Variants in EML6 observed in about 807,000 individuals in gnomAD.
EML6 encodes EMAP like 6, also known as echinoderm microtubule-associated protein-like 6.
EML6 carries 154 observed loss-of-function variants against 240.1 expected under a neutral mutation model. That is an observed-to-expected ratio of 0.64 (90% confidence interval 0.56 to 0.73). The LOEUF (loss-of-function observed/expected upper bound fraction) is 0.73, where lower values mean the gene tolerates loss of function less well. Among genes scored for constraint, EML6 ranks in the 30% least tolerant of loss-of-function variants. EML6 has a pLI of 0.00. For missense variants in EML6, 2,964 were observed against 2,474.6 expected, an observed-to-expected ratio of 1.20 and a Z score of -4.20; for synonymous variants, 1,148 against 899.0, an observed-to-expected ratio of 1.28 and a Z score of -4.95.
At chr2:54,927,033 G>A (rs994517367) in intron 26 of EML6, among the ~76,000 whole-genome samples, 3 of 152,216 alleles carry the variant, frequency 2.0e-5, no homozygotes, top group African/African-American at 7.2e-5. Flanking sequence ...CATGGCTGCA[G>A]CTGCTGTGAC....
chr2:54,844,004 G>GTGTGTGTC, intron 7 of EML6, 43 bp from the exon 8 acceptor site: 2 of 1,137,906 alleles, frequency 1.8e-6, no homozygotes, highest in Non-Finnish European at 1.3e-6. Context: ...GTGTGTGTGT[G>GTGTGTGTC]AATAGTGTGA....
At chr2:54,746,111 G>T (rs1033303427) in intron 2 of EML6, among the ~76,000 whole-genome samples, 2 of 152,228 alleles carry the variant, frequency 1.3e-5, no homozygotes, top group African/African-American at 4.8e-5. Context: ...GTATGGGGCA[G>T]AATCCAAATT....
intron 11 of EML6, among the ~76,000 whole-genome samples, chr2:54,859,135 A>T (rs1558621439): frequency 6.6e-6 from 1 of 152,094 alleles, no homozygotes. Flanking sequence ...TGTCTACGTG[A>T]CTCCAAACAA....
chr2:54,899,898 T>G, intron 22 of EML6, 116 bp downstream of exon 22: 1 of 1,019,230 alleles, frequency 9.8e-7, no homozygotes, highest in Non-Finnish European at 1.4e-6. Context: ...ATAAATATGC[T>G]GGGCAATGAG....
At chr2:54,904,817 G>A (rs1341506664) in intron 24 of EML6, among the ~76,000 whole-genome samples, 3 of 152,288 alleles carry the variant, frequency 2.0e-5, no homozygotes, top group African/African-American at 4.8e-5. Flanking sequence ...TCAGGAGAAC[G>A]ATGATGAAGG....
At chr2:54,783,645 A>G (rs1668949874) in intron 2 of EML6, among the ~76,000 whole-genome samples, 1 of 152,200 alleles carries the variant, frequency 6.6e-6, no homozygotes, top group Non-Finnish European at 1.5e-5. Flanking sequence ...GTTTGAAACG[A>G]CTGTGATGAT....
At chr2:54,738,243 A>G (rs1363436776) in intron 2 of EML6, among the ~76,000 whole-genome samples, 1 of 152,164 alleles carries the variant, frequency 6.6e-6, no homozygotes, top group Non-Finnish European at 1.5e-5. Flanking sequence ...AAGGTGCTTA[A>G]GAAGTGTTTG....
At chr2:54,816,674 G>C (rs1668095182) in intron 3 of EML6, 113 bp from the exon 4 acceptor site, 1 of 786,562 alleles carries the variant, frequency 1.3e-6, no homozygotes, top group Non-Finnish European at 2.1e-6. Context: ...TTGAGAAATC[G>C]GTTTGTTATA....
At chr2:54,731,599 A>G (rs142250785) in intron 2 of EML6, among the ~76,000 whole-genome samples, 16 of 142,842 alleles carry the variant, frequency 1.1e-4, no homozygotes. Context: ...CCTGGGTGAC[A>G]GGGCAAGACC....
At position 54,776,357 on chromosome 2, in the gene EML6, G is replaced by A. The variant is rs987604647; in HGVS notation, c.198-36875G>A. On this transcript the variant is annotated intron_variant, in intron 2 of 41. Coordinates refer to ENST00000356458, the MANE Select transcript of EML6 (RefSeq NM_001039753.4). ...AAAACTGCCTGGGCTCGGTACCTTC[G>A]TGTTGGGTAGAAATTTGTCTTTATA... is the stretch of plus-strand genomic sequence containing the variant. Among the ~76,000 whole-genome samples the A allele has an allele frequency of 5.3e-5, 8 of 152,088 alleles. No homozygotes were observed. The East Asian group carries it at 9.6e-4, about 18-fold the overall frequency.
intron 5 of EML6, among the ~76,000 whole-genome samples, chr2:54,826,001 T>G (rs1668573189): frequency 6.6e-6 from 1 of 152,246 alleles, no homozygotes; most frequent in Non-Finnish European, 1.5e-5. Flanking sequence ...TCTGTTTAAT[T>G]CAACTTAGTT....
chr2:54,870,699 T>C (rs1246782687), intron 15 of EML6, among the ~76,000 whole-genome samples: 1 of 152,196 alleles, frequency 6.6e-6, no homozygotes, highest in Non-Finnish European at 1.5e-5. Flanking sequence ...GTGTTTTTTT[T>C]TTACATAAAT....
chr2:54,862,600 A>T (rs1309260106), intron 12 of EML6, among the ~76,000 whole-genome samples: 1 of 152,298 alleles, frequency 6.6e-6, no homozygotes, highest in East Asian at 1.9e-4. Context: ...GGCAGAAAAC[A>T]TGTTCAAGGA....
At chr2:54,907,933 TAGATAGATAGATAAGA>T (rs1427018325) in intron 24 of EML6, among the ~76,000 whole-genome samples, 9 of 41,872 alleles carry the variant, frequency 2.1e-4, no homozygotes, top group Non-Finnish European at 4.3e-4. Context: ...GATAGATAGA[TAGATAGATAGATAAGA>T]TAGATAGATA....
rs1491139968 is a variant in EML6 at position 54,727,182 on chromosome 2, GGA to G, written c.197+1925_197+1926del. 1.3e-3 allele frequency among the ~76,000 whole-genome samples: 201 copies of G among 151,372 alleles called. 7 individuals carry two copies. Among genetic ancestry groups the G allele is most frequent in the Admixed American group, 2.8e-3 (42 of 15,010 alleles). ...TTGCAGGGAGCCTTAACTGATGAAG[GGA>G]AAAAGAGACAGTTAGCATCTGATCT... On this transcript the variant is annotated intron_variant, in intron 2 of 41. Coordinates refer to ENST00000356458, the MANE Select transcript of EML6 (RefSeq NM_001039753.4).
At chr2:54,843,435 AAAAC>A (rs1422132396) in intron 7 of EML6, among the ~76,000 whole-genome samples, 1 of 152,166 alleles carries the variant, frequency 6.6e-6, no homozygotes, top group Admixed American at 6.5e-5. Flanking sequence ...CTAAAAAATA[AAAAC>A]AAACAATCCT....
rs1246288742 is a variant in EML6, at chr2:54,948,977, C to T, written c.4083+17C>T. On this transcript the variant is annotated intron_variant, in intron 29 of 41. Coordinates refer to ENST00000356458, the MANE Select transcript of EML6 (RefSeq NM_001039753.4). ...CTGGTTGAGGTGAGTTAAACAATCA[C>T]TTGTAGTCTGATATTGACGTTCTAA... 2.0e-6 allele frequency: 3 copies of T among 1,511,160 alleles called. No individual in the cohort carries two copies. Among genetic ancestry groups the T allele is most frequent in the South Asian group, 2.4e-5 (2 of 83,320 alleles). 93.6% of individuals were successfully genotyped at this position (1,511,160 alleles called of 1,614,324 possible).
chr2:54,844,212 C>T lies in EML6; in HGVS notation c.1013C>T (p.Pro338Leu), dbSNP rs1482664532. ...GCTCTGGCCCTGCACCCCAAGAAGC[C>T]TCTGGCTGTGACAGGCAGCGATGAC... ...LWALALHPKK[P>L]LAVTGSDDRS... The change falls in exon 8 of 42, where the codon CCT (proline) becomes CTT (leucine). Residue 338 changes from proline (P) to leucine (L), a missense_variant. Transcript: ENST00000356458. 1 of 1,551,676 alleles carries T rather than the reference C, an allele frequency of 6.4e-7. No homozygotes were observed. Among genetic ancestry groups the T allele is most frequent in the Admixed American group, 2.0e-5 (1 of 51,002 alleles).
intron 2 of EML6, among the ~76,000 whole-genome samples, chr2:54,775,221 A>G (rs556201548): frequency 1.3e-5 from 2 of 152,286 alleles, no homozygotes; most frequent in South Asian, 4.1e-4. Context: ...CTTGCTGCCC[A>G]GTGTATTGAC....
Sources: gnomAD v4.1 joint callset for allele counts (sites outside exome capture counted in the v4.1 genomes callset) on GRCh38, gnomAD v4.1.1 for gene constraint, MANE v1.5 for transcripts, NCBI Gene and HGNC (gene_info 2026-07-23, HGNC 2026-07-21) for gene names.